Variants in SLFN12L observed in about 807,000 individuals in gnomAD.
SLFN12L encodes the protein schlafen family member 12 like, also known as schlafen family member 12-like.
A neutral mutation model predicts 34.8 loss-of-function variants in SLFN12L; 34 were observed. The ratio of observed to expected loss-of-function variants is 0.98; its 90% CI spans 0.74 to 1.30. The LOEUF (loss-of-function observed/expected upper bound fraction) is 1.30, where lower values mean the gene tolerates loss of function less well. Among genes scored for constraint, SLFN12L ranks in the 50% most tolerant of loss-of-function variants. SLFN12L has a pLI of 0.00. For missense variants in SLFN12L, 703 were observed against 696.2 expected, an observed-to-expected ratio of 1.01 and a Z score of -0.11; for synonymous variants, 259 against 247.5, an observed-to-expected ratio of 1.05 and a Z score of -0.44.
chr17:35,515,225 G>C (rs76591819), intron 2 of SLFN12L: 53,684 of 528,374 alleles, frequency 0.1, 3,163 homozygotes, highest in East Asian at 0.23. Context: ...TGCGGCGGTG[G>C]GGGAAAGGAG....
Position 35,469,866 on chromosome 17 carries a change from T to G in SLFN12L, c.*5057A>C, listed in dbSNP as rs4239251. On this transcript the variant is annotated 3_prime_UTR_variant, in exon 5 of 5. Transcript: ENST00000628453. ...AGCCCATCAGAATTATTCAAACTAT[T>G]GAGTCCTAAGCTGTTCCCCCTGCCC... is the stretch of plus-strand genomic sequence containing the variant. Among the ~76,000 whole-genome samples, 30,796 of 151,978 alleles carry G rather than the reference T, an allele frequency of 0.2. 3,517 individuals carry two copies. The highest frequency in any genetic ancestry group is 0.31 in the South Asian group (1,499 of 4,806).
intron 2 of SLFN12L, among the ~76,000 whole-genome samples, chr17:35,486,979 C>A (rs1159939956): frequency 6.6e-6 from 1 of 152,244 alleles, no homozygotes; most frequent in African/African-American, 2.4e-5. Context: ...ACTGCTTTCA[C>A]CCTTTCCCTC....
In SLFN12L at chr17:35,479,349, C is replaced by A. The variant is rs1914185967; in HGVS notation, c.933G>T (p.Gly311=). Reference sequence around the variant, plus strand: ...CACAGAAGTGATGCACAGGCAGTTTCCCAATGGAATTTTTTGTTACTTCTT... The same window carrying A: ...CACAGAAGTGATGCACAGGCAGTTTACCAATGGAATTTTTTGTTACTTCTT... ...KLEEVTKNSI[G]KLPVHHFCVE... Residue 311 remains glycine (G), a synonymous_variant, in exon 3 of 5, where the codon GGG becomes GGT. Coordinates refer to ENST00000628453, the MANE Select transcript of SLFN12L (RefSeq NM_001363830.2). 2 of 1,591,228 alleles carry A rather than the reference C, an allele frequency of 1.3e-6. No homozygotes were observed. The highest frequency in any genetic ancestry group is 1.7e-6 in the Non-Finnish European group (2 of 1,167,216).
Position 35,489,803 on chromosome 17 carries a change from C to T in SLFN12L, c.87-9608G>A, listed in dbSNP as rs1597845335. 2.0e-5 allele frequency among the ~76,000 whole-genome samples: 3 copies of T among 152,248 alleles called. No individual in the cohort carries two copies. In the South Asian group the frequency reaches 6.2e-4, roughly 32 times the overall value. On this transcript the variant is annotated intron_variant, in intron 2 of 4. Coordinates refer to ENST00000628453, the MANE Select transcript of SLFN12L (RefSeq NM_001363830.2). ...TGACGTCTGCACTTATTCCATAGAT[C>T]AAAACAAGTCACCTTGCCAAGCCTA...
chr17:35,528,718 A>G (rs1165797524), intron 1 of SLFN12L, among the ~76,000 whole-genome samples: 1 of 152,222 alleles, frequency 6.6e-6, no homozygotes, highest in Admixed American at 6.5e-5. Flanking sequence ...ACTTAAATGT[A>G]AGACCTAAAA....
intron 2 of SLFN12L, among the ~76,000 whole-genome samples, chr17:35,502,709 T>A (rs1223153998): frequency 6.6e-6 from 1 of 152,114 alleles, no homozygotes; most frequent in Non-Finnish European, 1.5e-5. Context: ...TCAACAAAAG[T>A]AAAGTTTACT....
chr17:35,526,481 A>G (rs1480005505), intron 1 of SLFN12L, among the ~76,000 whole-genome samples: 1 of 152,226 alleles, frequency 6.6e-6, no homozygotes, highest in Non-Finnish European at 1.5e-5. Flanking sequence ...CAGCAAATGC[A>G]AAATAACAGA....
At chr17:35,481,304 G>A (rs561764353) in intron 2 of SLFN12L, among the ~76,000 whole-genome samples, 6 of 152,200 alleles carry the variant, frequency 3.9e-5, no homozygotes, top group Non-Finnish European at 7.3e-5. Flanking sequence ...TCTTGTGGAA[G>A]GCCTGACATC....
intron 1 of SLFN12L, among the ~76,000 whole-genome samples, chr17:35,532,425 G>C (rs2072420285): frequency 6.9e-6 from 1 of 144,482 alleles, no homozygotes; most frequent in Non-Finnish European, 1.5e-5. Context: ...GTGCAAAAGG[G>C]AGTGAGACTC....
At chr17:35,519,650 A>C (rs989268204) in intron 2 of SLFN12L, among the ~76,000 whole-genome samples, 2 of 152,170 alleles carry the variant, frequency 1.3e-5, no homozygotes, top group African/African-American at 2.4e-5. Flanking sequence ...AGGGAGGAAA[A>C]GTAAATACGG....
At chr17:35,518,509 C>A (rs540038228) in intron 2 of SLFN12L, among the ~76,000 whole-genome samples, 1 of 150,612 alleles carries the variant, frequency 6.6e-6, no homozygotes, top group African/African-American at 2.4e-5. Flanking sequence ...CGAGATCGTG[C>A]CACTGCACTC....
intron 2 of SLFN12L, among the ~76,000 whole-genome samples, chr17:35,516,261 G>A (rs904396574): frequency 2.0e-5 from 3 of 152,178 alleles, no homozygotes; most frequent in South Asian, 2.1e-4. Context: ...TCCCTACTAG[G>A]GGCATGGAAT....
intron 2 of SLFN12L, among the ~76,000 whole-genome samples, chr17:35,501,933 C>A (rs577521191): frequency 6.6e-6 from 1 of 150,980 alleles, no homozygotes; most frequent in Non-Finnish European, 1.5e-5. Flanking sequence ...CTGGCAGAGG[C>A]AAGGAAAGAC....
At chr17:35,501,955 G>C (rs998681613) in intron 2 of SLFN12L, among the ~76,000 whole-genome samples, 1 of 151,960 alleles carries the variant, frequency 6.6e-6, no homozygotes, top group Non-Finnish European at 1.5e-5. Context: ...AGCAGAGAGA[G>C]AGAAAGGAAG....
chr17:35,514,724 C>A (rs1597872122), intron 2 of SLFN12L: 1 of 380,680 alleles, frequency 2.6e-6, no homozygotes, highest in South Asian at 2.1e-5. Flanking sequence ...AAGACTTTTT[C>A]AAGTATTTTA....
At position 35,522,623 on chromosome 17, in the gene SLFN12L, C is replaced by T. The variant is rs916926173; in HGVS notation, c.-259G>A. On this transcript the variant is annotated 5_prime_UTR_variant, in exon 2 of 5. Transcript: ENST00000628453. ...TAATCCATCGGAGACACTGCAGCCTCCAAAGCCTCTGCGCTGCTCTCAGGA... is the reference window on the plus strand; with the variant it reads ...TAATCCATCGGAGACACTGCAGCCTTCAAAGCCTCTGCGCTGCTCTCAGGA... The T allele has an allele frequency of 3.3e-5, 54 of 1,612,260 alleles. No homozygotes were observed. In the Middle Eastern group the frequency reaches 1.2e-3, roughly 34 times the overall value.
At chr17:35,531,301 A>G (rs1202298687) in intron 1 of SLFN12L, among the ~76,000 whole-genome samples, 1 of 152,198 alleles carries the variant, frequency 6.6e-6, no homozygotes, top group Non-Finnish European at 1.5e-5. Flanking sequence ...GAACAAATAA[A>G]ATGGTGGTTG....
At chr17:35,531,005 T>C (rs1168823125) in intron 1 of SLFN12L, among the ~76,000 whole-genome samples, 1 of 151,808 alleles carries the variant, frequency 6.6e-6, no homozygotes, top group East Asian at 1.9e-4. Flanking sequence ...TGAAGAAAAA[T>C]CCATAGCCCC....
At chr17:35,492,440 C>T (rs1914873172) in intron 2 of SLFN12L, among the ~76,000 whole-genome samples, 1 of 152,168 alleles carries the variant, frequency 6.6e-6, no homozygotes, top group African/African-American at 2.4e-5. Flanking sequence ...GACCACTTCT[C>T]AGGATGGAGT....
Sources: gnomAD v4.1 joint callset for allele counts (sites outside exome capture counted in the v4.1 genomes callset) on GRCh38, gnomAD v4.1.1 for gene constraint, MANE v1.5 for transcripts, NCBI Gene and HGNC (gene_info 2026-07-23, HGNC 2026-07-21) for gene names.